The following HERC2 variants were observed in gnomAD, a reference collection of about 807,000 sequenced individuals.
HERC2 encodes the protein E3 ubiquitin-protein ligase HERC2.
In HERC2, 102 loss-of-function variants were observed where a neutral mutation model predicts 537.7. The observed-to-expected ratio is 0.19, with a 90% confidence interval of 0.16 to 0.22. The LOEUF is 0.22. Among genes scored for constraint, HERC2 ranks in the 10% least tolerant of loss-of-function variants. HERC2 has a pLI of 1.00. For synonymous variants in HERC2, 2,224 were observed against 2,466.2 expected (o/e 0.90, Z 2.91); for missense variants, 4,236 against 6,198.2 (o/e 0.68, Z 10.63).
intron 23 of HERC2, among the ~76,000 whole-genome samples, chr15:28,241,205 C>T (rs1017016910): frequency 7.9e-5 from 12 of 152,044 alleles, no homozygotes; most frequent in East Asian, 5.8e-4. Flanking sequence ...AATTAAAACA[C>T]GGGCAAAAGA....
At chr15:28,303,957 G>C (rs2076705563) in intron 2 of HERC2, among the ~76,000 whole-genome samples, 2 of 152,078 alleles carry the variant, frequency 1.3e-5, no homozygotes, top group Admixed American at 6.6e-5. Context: ...CCTGAGGTCA[G>C]GAGTTCAAGA....
intron 69 of HERC2, among the ~76,000 whole-genome samples, chr15:28,158,842 T>C (rs181503279): frequency 6.6e-6 from 1 of 152,358 alleles, no homozygotes; most frequent in Admixed American, 6.5e-5. Flanking sequence ...TGATGGTCTT[T>C]ACAATTTGGC....
intron 2 of HERC2, among the ~76,000 whole-genome samples, chr15:28,315,423 G>A (rs1213783373): frequency 6.6e-6 from 1 of 152,276 alleles, no homozygotes; most frequent in Non-Finnish European, 1.5e-5. Context: ...GAGAGAGGCG[G>A]CTAAGGAATC....
chr15:28,215,288 A>G (rs957835354), intron 39 of HERC2, among the ~76,000 whole-genome samples: 4 of 152,242 alleles, frequency 2.6e-5, no homozygotes, highest in Admixed American at 1.3e-4. Context: ...GATTGTCAGG[A>G]ACTTTAAAAA....
chr15:28,288,332 C>A (rs1322171048), intron 4 of HERC2, among the ~76,000 whole-genome samples: 1 of 151,296 alleles, frequency 6.6e-6, no homozygotes, highest in East Asian at 1.9e-4. Flanking sequence ...TCGAAACCAG[C>A]CTGACCAACA....
At chr15:28,224,832 T>TA (rs1055108400) in intron 35 of HERC2, among the ~76,000 whole-genome samples, 12 of 151,052 alleles carry the variant, frequency 7.9e-5, no homozygotes, top group African/African-American at 2.4e-4. Flanking sequence ...AAATGAGAAA[T>TA]AAAAAAAAGA....
chr15:28,254,540 T>G, intron 19 of HERC2, 22 bp from the exon 20 acceptor site: 1 of 1,525,592 alleles, frequency 6.6e-7, no homozygotes, highest in Non-Finnish European at 8.9e-7. Context: ...AAAAAGAAAT[T>G]GTTTACAAGT....
rs909515156 is a variant in HERC2, at chr15:28,202,599, C to T, written c.7228G>A (p.Val2410Ile). ...KQELEAAALAVCQCLAVESTH... is the reference protein window; with the variant it reads ...KQELEAAALAICQCLAVESTH... ...GACTCCACAGCCAAGCACTGGCAAA[C>T]GGCCAGTGCAGCAGCCTGGGCAGAC... The change falls in exon 46 of 93, where the codon GTT becomes ATT. Residue 2410 changes from valine to isoleucine, a missense_variant. Transcript: ENST00000261609. 1.8e-5 allele frequency: 11 copies of T among 612,640 alleles called. No individual in the cohort carries two copies. The highest frequency in any genetic ancestry group is 6.0e-5 in the Admixed American group (2 of 33,288). The allele number at this position is 612,640 out of a possible 1,614,324, so 38.0% of individuals were successfully genotyped here.
At chr15:28,151,006 G>A (rs558898030) in intron 70 of HERC2, among the ~76,000 whole-genome samples, 8 of 152,150 alleles carry the variant, frequency 5.3e-5, no homozygotes, top group Non-Finnish European at 1.2e-4. Flanking sequence ...CTTGAAGACT[G>A]AAAGAAAGTA....
At chr15:28,120,791 C>T (rs898922316) in intron 86 of HERC2, among the ~76,000 whole-genome samples, 6 of 152,150 alleles carry the variant, frequency 3.9e-5, no homozygotes, top group Non-Finnish European at 5.9e-5. Context: ...AAGGGGTGAC[C>T]GAAGATACAC....
Position 28,176,430 on chromosome 15 carries a change from T to C in HERC2, c.9684A>G (p.Thr3228=), listed in dbSNP as rs1895301415. 7 of 1,613,980 alleles carry C rather than the reference T, an allele frequency of 4.3e-6. No homozygotes were observed. Among genetic ancestry groups the C allele is most frequent in the Non-Finnish European group, 5.9e-6 (7 of 1,179,902 alleles). ...TGACAGGGAGGACGTTTACGTACCA[T>C]GTCCACACCACTCCAGACTTGGTGA... ...LALTKSGVVW[T]WGKGDYFRLG... Residue 3228 remains threonine (T), a splice_region_variant and synonymous_variant, in exon 63 of 93, where the codon ACA becomes ACG. Coordinates refer to ENST00000261609, the MANE Select transcript of HERC2 (RefSeq NM_004667.6). The surrounding 1 kb of genome is among the most constrained non-coding windows in gnomAD (Gnocchi z 5.0).
intron 44 of HERC2, among the ~76,000 whole-genome samples, chr15:28,210,653 T>C (rs373561014): frequency 2.0e-5 from 3 of 149,276 alleles, no homozygotes; most frequent in Non-Finnish European, 3.0e-5. Context: ...GCTTAGGTTC[T>C]ACTTGTTACA....
intron 9 of HERC2, among the ~76,000 whole-genome samples, chr15:28,271,625 C>T (rs1352668963): frequency 2.6e-5 from 4 of 151,874 alleles, no homozygotes; most frequent in Non-Finnish European, 4.4e-5. Flanking sequence ...GCCGAGATCA[C>T]GCCACTGCAC....
chr15:28,265,564 A>G lies in HERC2; in HGVS notation c.1870+54T>C. 7.0e-7 allele frequency: 1 copy of G among 1,437,948 alleles called. No homozygotes were observed. The highest frequency in any genetic ancestry group is 9.8e-7 in the Non-Finnish European group (1 of 1,022,652). The allele number at this position is 1,437,948 out of a possible 1,614,324, so 89.1% of individuals were successfully genotyped here. On this transcript the variant is annotated intron_variant, in intron 14 of 92. Transcript: ENST00000261609. This position sits in a 1 kb window ranked among gnomAD's most constrained non-coding sequence, Gnocchi z 4.0. ...GTACTCATCTCACTTCCTCCAGGGA[A>G]GCTGCCATGCGTGTCCTCGTGGGCC... is the stretch of plus-strand genomic sequence containing the variant.
At chr15:28,273,092 C>A in intron 7 of HERC2, 88 bp from the exon 8 acceptor site, 1 of 892,410 alleles carries the variant, frequency 1.1e-6, no homozygotes, top group South Asian at 1.4e-5. Flanking sequence ...ACTACACGCT[C>A]CCTCCAAAGG....
rs1045447309 is a variant in HERC2, at chr15:28,177,176, G to A, written c.9255-49C>T. ...TCTACAGTCAATCTGTCCCTTCTTAGAGATGAAGGAAAAAAGACATCTATA... is the reference window on the plus strand; with the variant it reads ...TCTACAGTCAATCTGTCCCTTCTTAAAGATGAAGGAAAAAAGACATCTATA... On this transcript the variant is annotated intron_variant, in intron 60 of 92. Coordinates refer to ENST00000261609, the MANE Select transcript of HERC2 (RefSeq NM_004667.6). This position sits in a 1 kb window ranked among gnomAD's most constrained non-coding sequence, Gnocchi z 5.0. The A allele has an allele frequency of 1.9e-5, 29 of 1,550,784 alleles. No individual in the cohort carries two copies. The Admixed American group carries it at 2.6e-4, about 14-fold the overall frequency.
chr15:28,250,109 T>TGAGG (rs901163640), intron 20 of HERC2, among the ~76,000 whole-genome samples: 158 of 118,044 alleles, frequency 1.3e-3, no homozygotes, highest in African/African-American at 5.0e-3. Context: ...ACACCAAGAG[T>TGAGG]GAGGACATGC....
chr15:28,177,263 G>T lies in HERC2; in HGVS notation c.9255-136C>A. 8.3e-7 allele frequency: 1 copy of T among 1,209,208 alleles called. No homozygotes were observed. Among genetic ancestry groups the T allele is most frequent in the East Asian group, 2.4e-5 (1 of 41,572 alleles). 74.9% of individuals were successfully genotyped at this position (1,209,208 alleles called of 1,614,324 possible). ...AACTATCAAAACTTAAAGCAGAACC[G>T]GTGAGACCAAAACACAAACAACCGT... On this transcript the variant is annotated intron_variant, in intron 60 of 92. Transcript: ENST00000261609. This position sits in a 1 kb window ranked among gnomAD's most constrained non-coding sequence, Gnocchi z 5.0.
chr15:28,186,023 G>T (rs928645561), intron 56 of HERC2, among the ~76,000 whole-genome samples: 1 of 152,144 alleles, frequency 6.6e-6, no homozygotes, highest in African/African-American at 2.4e-5. Context: ...GTCATAAGAT[G>T]AAATACTGCA....
Sources: gnomAD v4.1 joint callset for allele counts (sites outside exome capture counted in the v4.1 genomes callset) on GRCh38, gnomAD v4.1.1 for gene constraint, Gnocchi (gnomAD v3.1) non-coding constraint, MANE v1.5 for transcripts, NCBI Gene and HGNC (gene_info 2026-07-23, HGNC 2026-07-21) for gene names.